CPA5: variants seen among roughly 807,000 people sequenced by gnomAD.
CPA5 encodes the protein carboxypeptidase A5.
In CPA5, 38 loss-of-function variants were observed where a neutral mutation model predicts 52.2. The ratio of observed to expected loss-of-function variants is 0.73; its 90% CI spans 0.56 to 0.95. The LOEUF (loss-of-function observed/expected upper bound fraction) is 0.95, where lower values mean the gene tolerates loss of function less well. CPA5 is among the 40% of genes least tolerant of loss of function. CPA5 has a pLI of 0.00. For missense variants in CPA5, 519 were observed against 566.7 expected (o/e 0.92, Z 0.86); for synonymous variants, 198 against 213.7 (o/e 0.93, Z 0.64).
chr7:130,350,151 T>G, intron 5 of CPA5, 42 bp downstream of exon 5: 1 of 1,587,454 alleles, frequency 6.3e-7, no homozygotes, highest in Middle Eastern at 1.7e-4. Flanking sequence ...TCCGCCTTCC[T>G]TTCTGGTTGG....
At chr7:130,371,106 AGTCTC>A (rs1309562923), downstream of CPA5, among the ~76,000 whole-genome samples, 1 of 152,186 alleles carries the variant, frequency 6.6e-6, no homozygotes, top group Non-Finnish European at 1.5e-5. Context: ...ACTAAATCCA[AGTCTC>A]TAGTGGGTGG....
intron 4 of CPA5, among the ~76,000 whole-genome samples, chr7:130,349,303 G>A (rs576347815): frequency 1.1e-4 from 16 of 152,132 alleles, no homozygotes; most frequent in African/African-American, 1.9e-4. Flanking sequence ...GTGTGGTGGC[G>A]TGCACCTGTA....
At chr7:130,357,040 C>T (rs1380744881) in intron 5 of CPA5, among the ~76,000 whole-genome samples, 10 of 152,216 alleles carry the variant, frequency 6.6e-5, no homozygotes, top group Non-Finnish European at 2.9e-5. Context: ...CAGAGAGGAC[C>T]GGGGCTCCTC....
intron 5 of CPA5, among the ~76,000 whole-genome samples, chr7:130,353,389 C>A (rs1251862350): frequency 6.6e-6 from 1 of 152,188 alleles, no homozygotes; most frequent in Non-Finnish European, 1.5e-5. Flanking sequence ...CCTGTCTCTT[C>A]CCCTGGCATC....
At chr7:130,358,461 T>G (rs1795616131) in intron 5 of CPA5, among the ~76,000 whole-genome samples, 1 of 152,154 alleles carries the variant, frequency 6.6e-6, no homozygotes, top group Admixed American at 6.5e-5. Context: ...AAAACAGAAA[T>G]AGCTCATTTC....
chr7:130,372,215 A>G (rs927424787), downstream of CPA5, among the ~76,000 whole-genome samples: 1 of 152,118 alleles, frequency 6.6e-6, no homozygotes, highest in Non-Finnish European at 1.5e-5. Flanking sequence ...TGTCACCCCC[A>G]TCATGTGCGA....
Position 130,368,466 on chromosome 7 carries a change from T to G in CPA5, c.1180T>G (p.Phe394Val). 6.2e-7 allele frequency: 1 copy of G among 1,614,146 alleles called. No individual in the cohort carries two copies. The highest frequency in any genetic ancestry group is 1.1e-5 in the South Asian group (1 of 91,084). The change falls in exon 13 of 13, where the codon TTC becomes GTC. Residue 394 changes from phenylalanine to valine, a missense_variant. Transcript: ENST00000474905. Reference protein sequence around the residue: ...WAYDSGIKYAFSFELRDTGQY... With the variant: ...WAYDSGIKYAVSFELRDTGQY... ...CTATGACAGTGGCATCAAGTACGCC[T>G]TCAGCTTTGAGCTCCGGGACACTGG... is the stretch of plus-strand genomic sequence containing the variant.
chr7:130,367,639 T>A, intron 11 of CPA5, 68 bp downstream of exon 11: 2 of 1,427,294 alleles, frequency 1.4e-6, no homozygotes, highest in Non-Finnish European at 2.0e-6. Flanking sequence ...TCTGTCATAC[T>A]CCCAGAGGGC....
chr7:130,349,867 A>G (rs1795019779), intron 4 of CPA5, 108 bp from the exon 5 acceptor site: 1 of 1,317,698 alleles, frequency 7.6e-7, no homozygotes, highest in East Asian at 2.4e-5. Context: ...CTGCGTAGAA[A>G]GAGGGTCTCT....
chr7:130,356,366 G>A (rs1795477054), intron 5 of CPA5, among the ~76,000 whole-genome samples: 1 of 152,152 alleles, frequency 6.6e-6, no homozygotes, highest in South Asian at 2.1e-4. Flanking sequence ...GAGGCAGATG[G>A]CTTACTTCTG....
intron 5 of CPA5, among the ~76,000 whole-genome samples, chr7:130,353,317 G>T (rs1054113970): frequency 6.6e-6 from 1 of 151,952 alleles, no homozygotes; most frequent in South Asian, 2.1e-4. Context: ...GATCCAACCC[G>T]ATGGCCGACT....
downstream of CPA5, chr7:130,368,796 C>A (rs1361055753): frequency 1.7e-5 from 10 of 584,434 alleles, no homozygotes; most frequent in Admixed American, 6.3e-5. Context: ...CGAGAGGCTG[C>A]TTCTCATTCC....
In CPA5 at chr7:130,359,620, C is replaced by G; in HGVS notation, c.365C>G (p.Ala122Gly). The change falls in exon 6 of 13, where the codon GCG (alanine) becomes GGG (glycine). Residue 122 changes from alanine (A) to glycine (G), a missense_variant. Physicochemically the swap from Ala to Gly is moderately conservative, Grantham distance 60. Coordinates refer to ENST00000474905, the MANE Select transcript of CPA5 (RefSeq NM_080385.5). Reference protein sequence around the residue: ...VLLDEERQAMAKSRRLERSTN... With the variant: ...VLLDEERQAMGKSRRLERSTN... ...CTGGATGAGGAAAGACAGGCCATGGCGAAATCCCGCCGGCTGGAGCGCAGC... is the reference window on the plus strand; with the variant it reads ...CTGGATGAGGAAAGACAGGCCATGGGGAAATCCCGCCGGCTGGAGCGCAGC... 6.3e-7 allele frequency: 1 copy of G among 1,575,534 alleles called. No homozygotes were observed. Among genetic ancestry groups the G allele is most frequent in the Non-Finnish European group, 8.6e-7 (1 of 1,160,112 alleles).
At position 130,367,372 on chromosome 7, in the gene CPA5, G is replaced by A; in HGVS notation, c.839G>A (p.Gly280Glu). ...LNRNWKSGFG[G>E]NGSNSNPCSE... ...TTGGGTGGCTTTATTTTACTTCCAG[G>A]AAATGGTTCTAACAGCAACCCCTGC... The change falls in exon 11 of 13, where the codon GGA (glycine) becomes GAA (glutamate). Residue 280 changes from glycine to glutamate, a missense_variant and splice_region_variant. By Grantham distance (98) the Gly-to-Glu change is moderately conservative. Transcript: ENST00000474905. 6.2e-7 allele frequency: 1 copy of A among 1,613,946 alleles called. No individual in the cohort carries two copies. Among genetic ancestry groups the A allele is most frequent in the Non-Finnish European group, 8.5e-7 (1 of 1,179,992 alleles).
intron 5 of CPA5, among the ~76,000 whole-genome samples, chr7:130,352,346 G>A (rs1795200122): frequency 6.7e-6 from 1 of 149,482 alleles, no homozygotes; most frequent in Non-Finnish European, 1.5e-5. Flanking sequence ...ACAGCTGGAG[G>A]GTCGCGGGGG....
chr7:130,351,225 G>T (rs1159719112), intron 5 of CPA5, among the ~76,000 whole-genome samples: 1 of 152,124 alleles, frequency 6.6e-6, no homozygotes, highest in East Asian at 1.9e-4. Flanking sequence ...ACAAAAATGG[G>T]GAAACTCCCG....
intron 4 of CPA5, among the ~76,000 whole-genome samples, chr7:130,349,608 C>A (rs568393837): frequency 5.8e-4 from 89 of 152,182 alleles, no homozygotes; most frequent in South Asian, 1.0e-3. Flanking sequence ...ACAAAGAATA[C>A]GTGCTTGAGT....
At chr7:130,351,474 C>T (rs1795138824) in intron 5 of CPA5, among the ~76,000 whole-genome samples, 1 of 152,222 alleles carries the variant, frequency 6.6e-6, no homozygotes, top group South Asian at 2.1e-4. Context: ...TCCCCACATC[C>T]GCAGCCCCGA....
At chr7:130,351,551 G>C (rs1248892089) in intron 5 of CPA5, among the ~76,000 whole-genome samples, 1 of 152,104 alleles carries the variant, frequency 6.6e-6, no homozygotes, top group Non-Finnish European at 1.5e-5. Context: ...ATCCAGCCAG[G>C]CAGGATTTTC....
Sources: gnomAD v4.1 joint callset for allele counts (sites outside exome capture counted in the v4.1 genomes callset) on GRCh38, gnomAD v4.1.1 for gene constraint, MANE v1.5 for transcripts, NCBI Gene and HGNC (gene_info 2026-07-23, HGNC 2026-07-21) for gene names.